Variants in GLB1L3 observed in about 807,000 individuals in gnomAD.
The protein encoded by GLB1L3 is galactosidase beta 1 like 3, also known as beta-galactosidase-1-like protein 3.
In GLB1L3, 89 loss-of-function variants were observed where a neutral mutation model predicts 89.5. The ratio of observed to expected loss-of-function variants is 0.99; its 90% CI spans 0.84 to 1.19. The LOEUF is 1.19. Among genes scored for constraint, GLB1L3 ranks in the 50% most tolerant of loss-of-function variants. The pLI is 0.00. For missense variants in GLB1L3, 812 were observed against 813.3 expected, an observed-to-expected ratio of 1.00 and a Z score of 0.02; for synonymous variants, 314 against 312.3, an observed-to-expected ratio of 1.01 and a Z score of -0.06.
intron 13 of GLB1L3, 58 bp downstream of exon 13, chr11:134,311,228 T>A (rs1565417894): frequency 9.6e-6 from 12 of 1,247,404 alleles, no homozygotes; most frequent in Non-Finnish European, 3.5e-6. Flanking sequence ...GGGGAGGGAT[T>A]CCTTCAGGAA....
intron 10 of GLB1L3, among the ~76,000 whole-genome samples, chr11:134,308,292 A>G (rs1478982513): frequency 2.2e-5 from 1 of 45,452 alleles, no homozygotes; most frequent in Non-Finnish European, 4.3e-5. Flanking sequence ...AAATACCACC[A>G]CCACCACCAC....
intron 10 of GLB1L3, among the ~76,000 whole-genome samples, chr11:134,308,522 T>A (rs1416875766): frequency 8.1e-4 from 24 of 29,600 alleles, no homozygotes; most frequent in Non-Finnish European, 1.3e-3. Flanking sequence ...CACCACCATG[T>A]CCACCACCAC....
rs1365076460 is a variant in GLB1L3 at position 134,282,016 on chromosome 11, C to G, written c.432-9C>G. On this transcript the variant is annotated splice_polypyrimidine_tract_variant and intron_variant, in intron 4 of 19. Coordinates refer to ENST00000431683, the MANE Select transcript of GLB1L3 (RefSeq NM_001080407.3). ...TCGTGGGAGGGGCTGACGATGTGGA[C>G]CTCCCTAGGGCCTTCGTCCTGATGG... 1 of 1,561,136 alleles carries G rather than the reference C, an allele frequency of 6.4e-7. No homozygotes were observed. The highest frequency in any genetic ancestry group is 8.7e-7 in the Non-Finnish European group (1 of 1,148,982).
intron 5 of GLB1L3, 151 bp from the exon 6 acceptor site, chr11:134,283,586 C>T (rs887486660): frequency 1.9e-5 from 11 of 572,678 alleles, no homozygotes; most frequent in African/African-American, 9.5e-5. Flanking sequence ...AAGTCTCACG[C>T]GGCACAGATC....
intron 9 of GLB1L3, among the ~76,000 whole-genome samples, chr11:134,302,779 T>G (rs1681093036): frequency 6.6e-6 from 1 of 152,240 alleles, no homozygotes; most frequent in Non-Finnish European, 1.5e-5. Flanking sequence ...ATGCCCTGTG[T>G]GTTTGTAATG....
intron 3 of GLB1L3, 50 bp downstream of exon 3, chr11:134,277,962 C>G (rs1409234126): frequency 6.3e-7 from 1 of 1,584,722 alleles, no homozygotes; most frequent in Non-Finnish European, 8.6e-7. Flanking sequence ...ACAAGTGCAT[C>G]CTGGCCGGGA....
At position 134,284,675 on chromosome 11, in the gene GLB1L3, G is replaced by C. The variant is rs76837916; in HGVS notation, c.636+830G>C. On this transcript the variant is annotated intron_variant, in intron 6 of 19. Coordinates refer to ENST00000431683, the MANE Select transcript of GLB1L3 (RefSeq NM_001080407.3). ...ACCTGGGAGGCAGAGATTACAGTGA[G>C]ACAAGATCATGCCGCCACACTCCAG... 9.9e-3 allele frequency among the ~76,000 whole-genome samples: 1,509 copies of C among 152,158 alleles called. 30 individuals carry two copies. The highest frequency in any genetic ancestry group is 0.035 in the African/African-American group (1,436 of 41,498).
intron 9 of GLB1L3, among the ~76,000 whole-genome samples, chr11:134,301,051 G>C (rs1168960012): frequency 2.0e-5 from 3 of 152,210 alleles, no homozygotes; most frequent in African/African-American, 7.2e-5. Context: ...CGGCTCCCTT[G>C]ACTTCAGACT....
In GLB1L3 at chr11:134,282,127, G is replaced by T. The variant is rs764741800; in HGVS notation, c.527+7G>T. ...ACCTCGGGGGCTTGCCCAGGTAAGC[G>T]GGGCTACAGTCCCAGAGTCGTGGTT... On this transcript the variant is annotated splice_region_variant and intron_variant, in intron 5 of 19. Transcript: ENST00000431683. 2 of 1,565,538 alleles carry T rather than the reference G, an allele frequency of 1.3e-6. No individual in the cohort carries two copies. The highest frequency in any genetic ancestry group is 3.7e-5 in the Admixed American group (2 of 53,762).
At chr11:134,278,351 C>A (rs1247575705) in intron 3 of GLB1L3, among the ~76,000 whole-genome samples, 2 of 152,060 alleles carry the variant, frequency 1.3e-5, no homozygotes, top group Non-Finnish European at 2.9e-5. Flanking sequence ...GTGGCCCGAT[C>A]TTAGCTCACG....
intron 7 of GLB1L3, 132 bp from the exon 8 acceptor site, chr11:134,292,000 G>A: frequency 1.5e-6 from 1 of 663,930 alleles, no homozygotes; most frequent in Non-Finnish European, 2.6e-6. Context: ...AATTAAAAAA[G>A]TAAAAACATA....
At chr11:134,292,006 A>G (rs1030658180) in intron 7 of GLB1L3, 126 bp from the exon 8 acceptor site, 2 of 671,814 alleles carry the variant, frequency 3.0e-6, no homozygotes, top group Admixed American at 5.9e-5. Context: ...AAAAGTAAAA[A>G]CATATTTCTG....
intron 6 of GLB1L3, 34 bp downstream of exon 6, chr11:134,283,879 G>A (rs958023823): frequency 1.9e-5 from 24 of 1,242,458 alleles, no homozygotes; most frequent in African/African-American, 4.4e-5. Context: ...TCTTTCTTAC[G>A]TGCCCTTTAG....
chr11:134,288,746 G>A (rs1941164486), intron 6 of GLB1L3, 52 bp from the exon 7 acceptor site: 1 of 1,377,824 alleles, frequency 7.3e-7, no homozygotes, highest in Admixed American at 1.9e-5. Context: ...GAGACTCCAG[G>A]CTTTTGCCCC....
intron 18 of GLB1L3, among the ~76,000 whole-genome samples, chr11:134,314,682 A>C (rs1270412021): frequency 6.6e-6 from 1 of 152,184 alleles, no homozygotes. Context: ...CAAAGCATGA[A>C]GTTCGCCTTT....
chr11:134,310,326 T>G, intron 11 of GLB1L3: 1 of 530,784 alleles, frequency 1.9e-6, no homozygotes, highest in Non-Finnish European at 3.4e-6. Flanking sequence ...TTGAACAAGT[T>G]TGCATTAGAA....
intron 6 of GLB1L3, among the ~76,000 whole-genome samples, chr11:134,285,072 G>A (rs1322989285): frequency 6.6e-6 from 1 of 151,718 alleles, no homozygotes; most frequent in Non-Finnish European, 1.5e-5. Context: ...GGGACTACAG[G>A]TGCCCACCAC....
intron 9 of GLB1L3, chr11:134,305,061 C>T (rs773643141): frequency 6.5e-7 from 1 of 1,542,266 alleles, no homozygotes; most frequent in Non-Finnish European, 8.7e-7. Context: ...ATGCTGTAGG[C>T]AGGGATGAAT....
intron 9 of GLB1L3, among the ~76,000 whole-genome samples, chr11:134,297,656 T>A (rs1402469547): frequency 5.3e-5 from 8 of 150,050 alleles, no homozygotes; most frequent in Admixed American, 5.3e-4. Context: ...AGGTCAGGAG[T>A]TTGAGACCAG....
Sources: gnomAD v4.1 joint callset for allele counts (sites outside exome capture counted in the v4.1 genomes callset) on GRCh38, gnomAD v4.1.1 for gene constraint, MANE v1.5 for transcripts, NCBI Gene and HGNC (gene_info 2026-07-23, HGNC 2026-07-21) for gene names.